Variants in USP43 observed in about 807,000 individuals in gnomAD.
The protein encoded by USP43 is ubiquitin specific peptidase 43.
In USP43, 33 loss-of-function variants were observed where a neutral mutation model predicts 90.7. The observed-to-expected ratio is 0.36, with a 90% CI of 0.28 to 0.49. The LOEUF is 0.49. USP43 is among the 20% of genes least tolerant of loss of function. The pLI, the probability that USP43 is intolerant of heterozygous loss-of-function variation, is 0.98. For synonymous variants in USP43, 598 were observed against 615.8 expected (o/e 0.97, Z 0.43); for missense variants, 1,274 against 1,476.4 (o/e 0.86, Z 2.25).
At chr17:9,722,540 A>AGTTT (rs1917021681) in intron 14 of USP43, among the ~76,000 whole-genome samples, 2 of 152,164 alleles carry the variant, frequency 1.3e-5, no homozygotes, top group South Asian at 2.1e-4. Context: ...GATGCGAGCG[A>AGTTT]GTCGCGCTTT....
rs887361761 is a variant in USP43 at position 9,686,018 on chromosome 17, T to A, written c.1242-780T>A. ...ACTATTCTACTCTACTTCTGTGACA[T>A]TAACTTTTTTAGATTCCACATGAGG... On this transcript the variant is annotated intron_variant, in intron 7 of 14. Coordinates refer to ENST00000285199, the MANE Select transcript of USP43 (RefSeq NM_153210.5). This position sits in a 1 kb window ranked among gnomAD's most constrained non-coding sequence, Gnocchi z 5.5. Among the ~76,000 whole-genome samples, 1 of 152,194 alleles carries A rather than the reference T, an allele frequency of 6.6e-6. No homozygotes were observed. The highest frequency in any genetic ancestry group is 1.5e-5 in the Non-Finnish European group (1 of 68,022).
chr17:9,727,642 A>G (rs867316457), intron 14 of USP43, among the ~76,000 whole-genome samples: 14 of 152,214 alleles, frequency 9.2e-5, no homozygotes, highest in South Asian at 6.2e-4. Flanking sequence ...GATAGATGAA[A>G]CTGATGTTCA....
intron 2 of USP43, among the ~76,000 whole-genome samples, chr17:9,665,652 C>T (rs768741089): frequency 2.6e-5 from 4 of 152,122 alleles, no homozygotes; most frequent in Non-Finnish European, 4.4e-5. Context: ...ATATCATTAC[C>T]TTCTATGGTA....
At chr17:9,714,062 G>A (rs1322693451) in intron 14 of USP43, among the ~76,000 whole-genome samples, 1 of 152,188 alleles carries the variant, frequency 6.6e-6, no homozygotes, top group Non-Finnish European at 1.5e-5. Context: ...CACGTGCAGA[G>A]TTCACAATAG....
intron 1 of USP43, among the ~76,000 whole-genome samples, chr17:9,646,568 G>C (rs1168336753): frequency 6.6e-6 from 1 of 152,164 alleles, no homozygotes; most frequent in Non-Finnish European, 1.5e-5. Flanking sequence ...GAAGGATGCA[G>C]TCAGGGCAAG....
intron 5 of USP43, among the ~76,000 whole-genome samples, chr17:9,677,546 G>A (rs1042630457): frequency 2.0e-5 from 3 of 152,210 alleles, no homozygotes; most frequent in Non-Finnish European, 4.4e-5. Context: ...TAAAGCGATT[G>A]GATTCACAGT....
At chr17:9,669,957 G>A (rs140676424) in intron 3 of USP43, 17 of 152,500 alleles carry the variant, frequency 1.1e-4, no homozygotes, top group African/African-American at 3.9e-4. Flanking sequence ...CCAAGTGTGC[G>A]GGTTTTAGTC....
chr17:9,727,302 A>G (rs1917322508), intron 14 of USP43, among the ~76,000 whole-genome samples: 1 of 152,172 alleles, frequency 6.6e-6, no homozygotes, highest in Non-Finnish European at 1.5e-5. Flanking sequence ...ATGTGGAGAT[A>G]TAGGAAAGAA....
At chr17:9,665,164 G>T (rs1257027348) in intron 2 of USP43, among the ~76,000 whole-genome samples, 1 of 152,150 alleles carries the variant, frequency 6.6e-6, no homozygotes, top group Non-Finnish European at 1.5e-5. Flanking sequence ...AGGGATAGGG[G>T]TCCAGAGGAG....
At chr17:9,708,409 C>A (rs556929787) in intron 12 of USP43, among the ~76,000 whole-genome samples, 1 of 151,970 alleles carries the variant, frequency 6.6e-6, no homozygotes, top group Admixed American at 6.6e-5. Flanking sequence ...CTTCAGGGGC[C>A]GAGTGAGAGA....
At chr17:9,682,387 G>A (rs972137153) in intron 6 of USP43, among the ~76,000 whole-genome samples, 1 of 152,144 alleles carries the variant, frequency 6.6e-6, no homozygotes, top group African/African-American at 2.4e-5. Flanking sequence ...GGCCAACATG[G>A]TGAAACCCCA....
Position 9,727,988 on chromosome 17 carries a change from G to A in USP43, c.2370G>A (p.Val790=), listed in dbSNP as rs1212728758. 2 of 1,611,064 alleles carry A rather than the reference G, an allele frequency of 1.2e-6. No individual in the cohort carries two copies. The highest frequency in any genetic ancestry group is 2.7e-5 in the African/African-American group (2 of 74,816). Residue 790 remains valine (V), a synonymous_variant, in exon 15 of 15, where the codon GTG becomes GTA. Transcript: ENST00000285199. ...AGCCCAGGCGTTTGGTACGGGGCGTGAAAGGCAGAAGCATTAGCATGAAGG... is the reference window on the plus strand; with the variant it reads ...AGCCCAGGCGTTTGGTACGGGGCGTAAAAGGCAGAAGCATTAGCATGAAGG... ...GLEPRRLVRG[V]KGRSISMKAP... is the part of the protein sequence containing the mutation.
intron 5 of USP43, among the ~76,000 whole-genome samples, chr17:9,679,408 T>C (rs567553572): frequency 2.0e-5 from 3 of 152,074 alleles, no homozygotes; most frequent in African/African-American, 7.2e-5. Context: ...TCTTGCTGTA[T>C]TGTTCAGGCT....
intron 12 of USP43, among the ~76,000 whole-genome samples, chr17:9,705,881 A>C (rs1915847843): frequency 1.3e-5 from 2 of 152,176 alleles, no homozygotes; most frequent in African/African-American, 4.8e-5. Context: ...ATAAATTCTC[A>C]GAATTGGAAT....
rs1311260162 is a variant in USP43 at position 9,729,617 on chromosome 17, A to G, written c.*627A>G. On this transcript the variant is annotated 3_prime_UTR_variant, in exon 15 of 15. Coordinates refer to ENST00000285199, the MANE Select transcript of USP43 (RefSeq NM_153210.5). ...TTTTAAAAATAACTATTTTGATACTAGAAAAAAAGTCCATTTTTTAATTTA... is the reference window on the plus strand; with the variant it reads ...TTTTAAAAATAACTATTTTGATACTGGAAAAAAAGTCCATTTTTTAATTTA... 2 of 152,182 alleles carry G rather than the reference A, an allele frequency of 1.3e-5. No homozygotes were observed. Among genetic ancestry groups the G allele is most frequent in the Non-Finnish European group, 2.9e-5 (2 of 68,032 alleles). The allele number at this position is 152,182 out of a possible 1,614,324, so 9.4% of individuals were successfully genotyped here. A position where few individuals can be genotyped will look rare whatever the true frequency, so the allele number is the denominator to read the frequency against.
chr17:9,715,610 CTG>C (rs1411341337), intron 14 of USP43, among the ~76,000 whole-genome samples: 6 of 130,818 alleles, frequency 4.6e-5, no homozygotes, highest in East Asian at 2.3e-4. Flanking sequence ...GTGTGTGTCT[CTG>C]TGAGTGTATG....
intron 9 of USP43, among the ~76,000 whole-genome samples, chr17:9,699,257 T>C (rs1915433811): frequency 6.6e-6 from 1 of 152,202 alleles, no homozygotes; most frequent in African/African-American, 2.4e-5. Context: ...GTTCTCCCCG[T>C]CTACAGGAAA....
Position 9,701,837 on chromosome 17 carries a change from A to G in USP43, c.2011+137A>G, listed in dbSNP as rs1372212888. The G allele has an allele frequency of 2.7e-6, 2 of 742,984 alleles. No homozygotes were observed. Among genetic ancestry groups the G allele is most frequent in the Non-Finnish European group, 4.2e-6 (2 of 475,798 alleles). The allele number at this position is 742,984 out of a possible 1,614,324, so 46.0% of individuals were successfully genotyped here. A position where few individuals can be genotyped will look rare whatever the true frequency, so the allele number is the denominator to read the frequency against. On this transcript the variant is annotated intron_variant, in intron 12 of 14. Coordinates refer to ENST00000285199, the MANE Select transcript of USP43 (RefSeq NM_153210.5). This position sits in a 1 kb window ranked among gnomAD's most constrained non-coding sequence, Gnocchi z 7.2. ...ACCCCTCACCCACCGCACACCAGGA[A>G]GATGAGGATGAGGAAAACAAAGATG... is the stretch of plus-strand genomic sequence containing the variant.
At chr17:9,706,675 G>A (rs1193806967) in intron 12 of USP43, among the ~76,000 whole-genome samples, 11 of 115,448 alleles carry the variant, frequency 9.5e-5, no homozygotes, top group African/African-American at 2.0e-4. Flanking sequence ...ACAGAGTCTC[G>A]CTCTGTGTCC....
Sources: gnomAD v4.1 joint callset for allele counts (sites outside exome capture counted in the v4.1 genomes callset) on GRCh38, gnomAD v4.1.1 for gene constraint, Gnocchi (gnomAD v3.1) non-coding constraint, MANE v1.5 for transcripts, NCBI Gene and HGNC (gene_info 2026-07-23, HGNC 2026-07-21) for gene names.